Variants in ABLIM1 observed in about 807,000 individuals in gnomAD.
ABLIM1 encodes actin binding LIM protein 1.
ABLIM1 carries 40 observed loss-of-function variants against 107.0 expected under a neutral mutation model. The observed-to-expected ratio is 0.37, with a 90% confidence interval of 0.29 to 0.49. The LOEUF is 0.49. Ranked by LOEUF, ABLIM1 falls within the 20% of genes least tolerant of loss-of-function variation. The pLI is 0.97. For synonymous variants in ABLIM1, 357 were observed against 357.3 expected (o/e 1.00, Z 0.01); for missense variants, 857 against 1,008.5 (o/e 0.85, Z 2.04).
chr10:114,657,813 C>T, intron 1 of ABLIM1, 144 bp downstream of exon 1: 2 of 718,492 alleles, frequency 2.8e-6, no homozygotes, highest in Non-Finnish European at 4.5e-6. Context: ...CTCCATCTCT[C>T]CCACCCTCAC....
At chr10:114,658,332 G>A, upstream of ABLIM1, 1 of 1,480,446 alleles carries the variant, frequency 6.8e-7, no homozygotes, top group Non-Finnish European at 8.9e-7. Flanking sequence ...AAGATTAAGG[G>A]AGATGTATTT....
chr10:114,442,569 C>A (rs1314171179), intron 17 of ABLIM1, among the ~76,000 whole-genome samples: 1 of 152,196 alleles, frequency 6.6e-6, no homozygotes, highest in African/African-American at 2.4e-5. Flanking sequence ...AATCCAAGAT[C>A]AATGCCAGTG....
intron 14 of ABLIM1, among the ~76,000 whole-genome samples, chr10:114,448,561 T>A (rs1243640433): frequency 1.3e-5 from 2 of 152,066 alleles, no homozygotes; most frequent in African/African-American, 4.8e-5. Flanking sequence ...GGGCTTTGCA[T>A]CTTTGGGCAA....
At chr10:114,661,475 C>A (rs930427863), upstream of ABLIM1, among the ~76,000 whole-genome samples, 2 of 152,202 alleles carry the variant, frequency 1.3e-5, no homozygotes, top group African/African-American at 4.8e-5. Flanking sequence ...GTGGTATCTG[C>A]CTGACAGCAA....
At chr10:114,604,625 T>A (rs1280563214) in intron 1 of ABLIM1, among the ~76,000 whole-genome samples, 2 of 152,218 alleles carry the variant, frequency 1.3e-5, no homozygotes, top group Non-Finnish European at 2.9e-5. Flanking sequence ...TACTCCAATT[T>A]AAGAGCTATT....
chr10:114,465,846 A>G lies in ABLIM1; in HGVS notation c.1312-19T>C. 1 of 1,613,852 alleles carries G rather than the reference A, an allele frequency of 6.2e-7. No individual in the cohort carries two copies. The highest frequency in any genetic ancestry group is 8.5e-7 in the Non-Finnish European group (1 of 1,179,822). Reference sequence around the variant, plus strand: ...GGTACCCCTGGAAACAAAGTTCAACACATTCAGGCTATCACCATGCCTCAG... The same window carrying G: ...GGTACCCCTGGAAACAAAGTTCAACGCATTCAGGCTATCACCATGCCTCAG... On this transcript the variant is annotated intron_variant, in intron 11 of 22. Transcript: ENST00000533213.
At chr10:114,708,106 T>A (rs2081464769) in intron 1 of ABLIM1, among the ~76,000 whole-genome samples, 1 of 152,084 alleles carries the variant, frequency 6.6e-6, no homozygotes, top group Non-Finnish European at 1.5e-5. Context: ...AAAACCAACC[T>A]TAGTCACTAA....
intron 2 of ABLIM1, among the ~76,000 whole-genome samples, chr10:114,589,690 G>A (rs961284505): frequency 2.6e-5 from 4 of 152,120 alleles, no homozygotes; most frequent in Admixed American, 2.0e-4. Flanking sequence ...CAACAAATGT[G>A]TGCCACCATG....
At chr10:114,571,475 CT>C in intron 3 of ABLIM1, 69 bp from the exon 4 acceptor site, 1 of 1,466,608 alleles carries the variant, frequency 6.8e-7, no homozygotes, top group Non-Finnish European at 9.5e-7. Flanking sequence ...ATTCCTTCTG[CT>C]TGCTGCCCTC....
intron 1 of ABLIM1, among the ~76,000 whole-genome samples, chr10:114,753,639 T>G (rs560252140): frequency 1.3e-5 from 2 of 152,238 alleles, no homozygotes; most frequent in African/African-American, 2.4e-5. Context: ...GTTTTATAGA[T>G]AGTTAAATGG....
intron 2 of ABLIM1, among the ~76,000 whole-genome samples, chr10:114,590,472 C>T (rs144776732): frequency 6.6e-6 from 1 of 152,128 alleles, no homozygotes; most frequent in East Asian, 1.9e-4. Context: ...AGAAGTTTAA[C>T]CCCTTTCCAA....
intron 22 of ABLIM1, among the ~76,000 whole-genome samples, chr10:114,437,200 G>A (rs965284451): frequency 6.6e-6 from 1 of 151,844 alleles, no homozygotes; most frequent in Non-Finnish European, 1.5e-5. Context: ...ACTATCTCAA[G>A]AGAAATAGCG....
intron 12 of ABLIM1, among the ~76,000 whole-genome samples, chr10:114,461,021 A>G (rs1417399687): frequency 6.6e-6 from 1 of 152,000 alleles, no homozygotes; most frequent in Non-Finnish European, 1.5e-5. Flanking sequence ...TCAATAATGC[A>G]TTTTTTCTTA....
intron 1 of ABLIM1, among the ~76,000 whole-genome samples, chr10:114,678,434 A>T (rs1055046659): frequency 4.6e-5 from 7 of 152,258 alleles, no homozygotes; most frequent in Non-Finnish European, 5.9e-5. Flanking sequence ...TTTTTCAAGA[A>T]GTCTTCCACA....
intron 2 of ABLIM1, among the ~76,000 whole-genome samples, chr10:114,581,663 C>T (rs2073393273): frequency 6.6e-6 from 1 of 152,010 alleles, no homozygotes; most frequent in Non-Finnish European, 1.5e-5. Context: ...GTGCCAGTAG[C>T]CTTGGGTGGG....
chr10:114,797,076 A>C, the ABLIM1 span, among the ~76,000 whole-genome samples: 1 of 151,796 alleles, frequency 6.6e-6, no homozygotes. Context: ...CAATCATCTC[A>C]CTCTCTCACC....
At chr10:114,682,731 T>C in intron 1 of ABLIM1, among the ~76,000 whole-genome samples, 1 of 152,140 alleles carries the variant, frequency 6.6e-6, no homozygotes, top group East Asian at 1.9e-4. Flanking sequence ...CTTAAAAATA[T>C]GCCACGGAGT....
chr10:114,574,592 A>G (rs571585924), intron 3 of ABLIM1, among the ~76,000 whole-genome samples: 8 of 152,106 alleles, frequency 5.3e-5, no homozygotes, highest in African/African-American at 1.9e-4. Context: ...GGCACCTGCC[A>G]CCTCGCCTGG....
chr10:114,501,239 G>A lies in ABLIM1; in HGVS notation c.895-9361C>T, dbSNP rs7893977. Among the ~76,000 whole-genome samples, 1,089 of 152,278 alleles carry A rather than the reference G, an allele frequency of 7.2e-3. 19 individuals carry two copies. The highest frequency in any genetic ancestry group is 0.025 in the African/African-American group (1,032 of 41,554). ...AGATGAGGAAATCAAAACTTAGAGA[G>A]ATCAGGAAATCACCCAAGGCTACTC... On this transcript the variant is annotated intron_variant, in intron 6 of 22. Transcript: ENST00000533213.
Sources: allele counts gnomAD v4.1 joint callset (sites outside exome capture counted in the v4.1 genomes callset), GRCh38; gene constraint gnomAD v4.1.1; transcripts MANE v1.5; gene names NCBI Gene and HGNC (gene_info 2026-07-23, HGNC 2026-07-21).